PTOV1: variants seen among roughly 807,000 people sequenced by gnomAD.
PTOV1 encodes prostate tumor-overexpressed gene 1 protein.
Under a neutral mutation model 58.0 loss-of-function variants are expected in PTOV1, and 20 were observed. The ratio of observed to expected loss-of-function variants is 0.34; its 90% CI spans 0.24 to 0.50. The LOEUF is 0.50. PTOV1 is among the 20% of genes least tolerant of loss of function. The pLI is 0.98. For synonymous variants in PTOV1, 335 were observed against 234.2 expected, an observed-to-expected ratio of 1.43 and a Z score of -3.93; for missense variants, 593 against 565.4, an observed-to-expected ratio of 1.05 and a Z score of -0.50.
At chr19:49,858,089 T>G in exon 9 of PTOV1, 1 of 1,613,886 alleles carries the variant, frequency 6.2e-7, no homozygotes, top group Non-Finnish European at 8.5e-7. Flanking sequence ...AAGCTGTACA[T>G]GCAGCTCATC....
At chr19:49,859,567 A>G (rs1246808724) in intron 10 of PTOV1, among the ~76,000 whole-genome samples, 1 of 150,804 alleles carries the variant, frequency 6.6e-6, no homozygotes, top group Non-Finnish European at 1.5e-5. Flanking sequence ...AGCGAAACTC[A>G]GTCTCAAAAA....
chr19:49,850,879 G>C, upstream of PTOV1: 2 of 1,535,812 alleles, frequency 1.3e-6, no homozygotes, highest in Non-Finnish European at 1.7e-6. Flanking sequence ...CCAGGGCTCC[G>C]GATGAGGTCT....
Position 49,857,884 on chromosome 19 carries a change from C to A in PTOV1, c.805-20C>A. The A allele has an allele frequency of 5.6e-6, 9 of 1,613,116 alleles. No homozygotes were observed. Among genetic ancestry groups the A allele is most frequent in the Non-Finnish European group, 6.8e-6 (8 of 1,179,260 alleles). On this transcript the variant is annotated intron_variant, in intron 7 of 11. Coordinates refer to ENST00000391842, the Ensembl canonical transcript of PTOV1. ...GGGGTCTCCAGCCCTGAGGGCTCCT[C>A]TTTGCCTCTCCCCCAAAAGCCCAGG... is the stretch of plus-strand genomic sequence containing the variant.
intron 10 of PTOV1, chr19:49,858,944 T>A (rs7257463): frequency 0.38 from 114,687 of 305,792 alleles, 22,342 homozygotes; most frequent in South Asian, 0.48. Context: ...TTGTCACTCC[T>A]GGTTTCCCGG....
chr19:49,853,127 A>G (rs1341966939), intron 1 of PTOV1: 1 of 152,164 alleles, frequency 6.6e-6, no homozygotes, highest in African/African-American at 2.4e-5. Context: ...CTTTTTAAGC[A>G]CTCACAAAAT....
intron 10 of PTOV1, chr19:49,859,191 C>G (rs1338502939): frequency 1.3e-5 from 2 of 153,274 alleles, no homozygotes; most frequent in Non-Finnish European, 2.9e-5. Context: ...TATCCCGAAA[C>G]TACCTTAAAA....
intron 10 of PTOV1, chr19:49,858,878 A>G (rs1349761763): frequency 1.7e-5 from 9 of 514,494 alleles, no homozygotes; most frequent in East Asian, 9.1e-5. Flanking sequence ...CCTCTGCCAC[A>G]TCAGGGCTGA....
At chr19:49,857,181 A>G in intron 6 of PTOV1, 51 bp downstream of exon 6, 1 of 1,604,304 alleles carries the variant, frequency 6.2e-7, no homozygotes, top group Non-Finnish European at 8.5e-7. Flanking sequence ...ATTAGACCCC[A>G]CTGCCCTGGT....
chr19:49,857,012 A>G, exon 6 of PTOV1: 1 of 1,613,754 alleles, frequency 6.2e-7, no homozygotes, highest in East Asian at 2.2e-5. Flanking sequence ...TCCCCCTGTG[A>G]GGTGCGCGTG....
At position 49,854,647 on chromosome 19, in the gene PTOV1, C is replaced by T; in HGVS notation, c.310-5C>T. 1 of 1,613,422 alleles carries T rather than the reference C, an allele frequency of 6.2e-7. No homozygotes were observed. The highest frequency in any genetic ancestry group is 8.5e-7 in the Non-Finnish European group (1 of 1,179,944). On this transcript the variant is annotated splice_polypyrimidine_tract_variant and splice_region_variant and intron_variant, in intron 2 of 11. Coordinates refer to ENST00000391842, the Ensembl canonical transcript of PTOV1. ...TGCACAGTGACGCCCCTCCTGCCCC[C>T]ACAGAAGCGCAGACCCTACTCTGAC...
chr19:49,860,330 G>C, exon 12 of PTOV1: 4 of 1,313,580 alleles, frequency 3.0e-6, no homozygotes, highest in Non-Finnish European at 4.1e-6. Context: ...GGCCCCCGCA[G>C]AGACTGGTGA....
exon 1 of PTOV1, chr19:49,851,488 G>A: frequency 8.2e-7 from 1 of 1,220,558 alleles, no homozygotes; most frequent in Non-Finnish European, 1.0e-6. Flanking sequence ...GGCCCGCTCG[G>A]CCCCTCCCAT....
exon 2 of PTOV1, chr19:49,854,455 C>T (rs377218952): frequency 1.5e-5 from 24 of 1,612,262 alleles, no homozygotes; most frequent in Non-Finnish European, 1.8e-5. Context: ...CCCTCCTCAC[C>T]TGGGCTCACC....
At chr19:49,855,666 G>C (rs555167911) in intron 5 of PTOV1, 1 of 157,956 alleles carries the variant, frequency 6.3e-6, no homozygotes, top group South Asian at 1.8e-4. Flanking sequence ...GCTGCCAAGG[G>C]ATCTGAGAGC....
exon 6 of PTOV1, chr19:49,857,130 G>A (rs1220182880): frequency 6.2e-7 from 1 of 1,614,038 alleles, no homozygotes; most frequent in Non-Finnish European, 8.5e-7. Context: ...CCCGCAAGCA[G>A]GTGTGCCAGC....
intron 1 of PTOV1, chr19:49,851,866 GC>G (rs2074265325): frequency 1.0e-6 from 1 of 988,156 alleles, no homozygotes; most frequent in African/African-American, 1.7e-5. Context: ...GGAAATGGGG[GC>G]GGTTTTGGGG....
intron 5 of PTOV1, chr19:49,855,379 G>T: frequency 4.5e-6 from 2 of 444,544 alleles, no homozygotes; most frequent in South Asian, 4.7e-5. Context: ...GAGCCTGTCG[G>T]GGACACATAG....
Position 49,858,056 on chromosome 19 carries a change from G to A in PTOV1, c.879-1G>A, listed in dbSNP as rs1335846692. The A allele has an allele frequency of 6.2e-7, 1 of 1,614,002 alleles. No individual in the cohort carries two copies. The highest frequency in any genetic ancestry group is 8.5e-7 in the Non-Finnish European group (1 of 1,180,012). On this transcript the variant is annotated splice_acceptor_variant, in intron 8 of 11. Coordinates refer to ENST00000391842, the Ensembl canonical transcript of PTOV1. LOFTEE classifies it high-confidence loss of function. ...GACCCTCGTCCCTTTGTGCCCCACAGGAGGACCGAGCAGTGGCCAAGGAAG... is the reference window on the plus strand; with the variant it reads ...GACCCTCGTCCCTTTGTGCCCCACAAGAGGACCGAGCAGTGGCCAAGGAAG...
upstream of PTOV1, chr19:49,850,724 T>G: frequency 1.1e-6 from 1 of 873,002 alleles, no homozygotes; most frequent in Non-Finnish European, 1.7e-6. Flanking sequence ...CGTCACCGAC[T>G]GCAAACCTTC....
Sources: allele counts gnomAD v4.1 joint callset (sites outside exome capture counted in the v4.1 genomes callset), GRCh38; gene constraint gnomAD v4.1.1; transcripts MANE v1.5; gene names NCBI Gene and HGNC (gene_info 2026-07-23, HGNC 2026-07-21).